TEX10: variants seen among roughly 807,000 people sequenced by gnomAD.
TEX10 encodes testis expressed 10.
TEX10 carries 24 observed loss-of-function variants against 104.4 expected under a neutral mutation model. The ratio of observed to expected loss-of-function variants is 0.23; its 90% CI spans 0.17 to 0.32. The LOEUF is 0.32. Ranked by LOEUF, TEX10 falls within the 10% of genes least tolerant of loss-of-function variation. The pLI is 1.00. For synonymous variants in TEX10, 396 were observed against 393.4 expected (o/e 1.01, Z -0.08); for missense variants, 921 against 1,083.9 (o/e 0.85, Z 2.11).
chr9:100,346,215 A>T lies in TEX10; in HGVS notation c.994T>A (p.Trp332Arg). The T allele has an allele frequency of 6.2e-7, 1 of 1,614,048 alleles. No homozygotes were observed. Among genetic ancestry groups the T allele is most frequent in the Non-Finnish European group, 8.5e-7 (1 of 1,179,944 alleles). Reference protein sequence around the residue: ...EIIIPLLIECWVEAVPPQLAT... With the variant: ...EIIIPLLIECRVEAVPPQLAT... ...AGTTGTGGAGGTACAGCTTCAACCC[A>T]GCATTCAATTAGCAATGGAATTATT... The change falls in exon 4 of 15, where the codon TGG becomes AGG. Residue 332 changes from tryptophan to arginine, a missense_variant. Trp to Arg is a moderately radical substitution (Grantham distance 101, BLOSUM62 -3). Transcript: ENST00000374902.
Position 100,349,711 on chromosome 9 carries a change from T to C in TEX10, c.-9-339A>G, listed in dbSNP as rs78709799. Among the ~76,000 whole-genome samples the C allele has an allele frequency of 9.0e-3, 1,363 of 152,232 alleles. 10 individuals carry two copies. Among genetic ancestry groups the C allele is most frequent in the African/African-American group, 0.031 (1,290 of 41,540 alleles). On this transcript the variant is annotated intron_variant, in intron 1 of 14. Transcript: ENST00000374902. ...GTGTAGGAGAGCAGCACAGACTTCC[T>C]AGAGATGTAACTTGTATCTGCTGGT...
intron 14 of TEX10, 107 bp downstream of exon 14, chr9:100,303,525 A>G (rs1237944737): frequency 1.7e-6 from 2 of 1,196,658 alleles, no homozygotes; most frequent in Admixed American, 3.6e-5. Flanking sequence ...TCCTGGACTC[A>G]ATGTATGGGA....
At chr9:100,303,529 T>C in intron 14 of TEX10, 103 bp downstream of exon 14, 2 of 1,218,490 alleles carry the variant, frequency 1.6e-6, no homozygotes, top group South Asian at 2.6e-5. Context: ...GGACTCAATG[T>C]ATGGGATCCC....
chr9:100,320,110 C>T (rs1021854684), intron 11 of TEX10, among the ~76,000 whole-genome samples, 155 bp downstream of exon 11: 2 of 152,146 alleles, frequency 1.3e-5, no homozygotes, highest in Admixed American at 6.5e-5. Flanking sequence ...AGAATGTTTC[C>T]CTTTTCAAAC....
intron 13 of TEX10, chr9:100,306,714 A>T (rs1409204785): frequency 6.6e-6 from 1 of 152,172 alleles, no homozygotes; most frequent in Non-Finnish European, 1.5e-5. Context: ...TTCGGCTGCC[A>T]ACTGTGCCTA....
Position 100,330,066 on chromosome 9 carries a change from T to A in TEX10, c.1354A>T (p.Lys452Ter). 6.2e-7 allele frequency: 1 copy of A among 1,614,130 alleles called. No individual in the cohort carries two copies. Among genetic ancestry groups the A allele is most frequent in the Non-Finnish European group, 8.5e-7 (1 of 1,180,002 alleles). Residue 452 changes from lysine to a stop codon, truncating the protein, a stop_gained, in exon 6 of 15, where the codon AAG (lysine) becomes TAG (stop). Transcript: ENST00000374902. LOFTEE classifies it high-confidence loss of function. ...ATCATTTCTATCCAACTGCAATCCT[T>A]CTGCAAAGTTGACGCATTTGCCAGG... ...VSLANASTLQ[K>*]DCSWIEMIRK...
intron 4 of TEX10, among the ~76,000 whole-genome samples, chr9:100,344,242 T>C (rs1835245468): frequency 6.6e-6 from 1 of 152,190 alleles, no homozygotes; most frequent in Non-Finnish European, 1.5e-5. Context: ...CGCAGTCTTT[T>C]AAACTTACCA....
chr9:100,323,322 G>A (rs1445522507), intron 9 of TEX10, among the ~76,000 whole-genome samples: 1 of 152,248 alleles, frequency 6.6e-6, no homozygotes, highest in South Asian at 2.1e-4. Flanking sequence ...GGGCCAAAAG[G>A]AGTAAAATGG....
intron 2 of TEX10, 65 bp from the exon 3 acceptor site, chr9:100,347,471 G>T: frequency 1.6e-6 from 2 of 1,289,168 alleles, no homozygotes; most frequent in Non-Finnish European, 2.1e-6. Context: ...ACGTAAACAT[G>T]CTAACTAACA....
chr9:100,309,753 A>G (rs966684951), intron 12 of TEX10, among the ~76,000 whole-genome samples: 12 of 152,376 alleles, frequency 7.9e-5, no homozygotes, highest in Non-Finnish European at 1.5e-4. Flanking sequence ...AAAGCCAAAG[A>G]TAAGAGTATA....
chr9:100,338,843 G>C (rs1835080016), intron 5 of TEX10, among the ~76,000 whole-genome samples: 1 of 86,084 alleles, frequency 1.2e-5, no homozygotes, highest in South Asian at 5.1e-4. Context: ...AGTGAGCCAA[G>C]ATTACGCCTT....
Position 100,346,802 on chromosome 9 carries a change from C to G in TEX10, c.785G>C (p.Ser262Thr), listed in dbSNP as rs1415548727. ...QEQKENPHAT[S>T]NSIFINWKEH... ...CTTCCAGTTGATAAAAATGGAGTTGCTAGTGGCATGGGGATTTTCTTTCTG... is the reference window on the plus strand; with the variant it reads ...CTTCCAGTTGATAAAAATGGAGTTGGTAGTGGCATGGGGATTTTCTTTCTG... Residue 262 changes from serine to threonine, a missense_variant, in exon 3 of 15, where the codon AGC (serine) becomes ACC (threonine). This residue lies in a region of TEX10 where 753 missense variants were observed against 868.4 expected (regional missense o/e 0.87). Transcript: ENST00000374902. 4.3e-6 allele frequency: 7 copies of G among 1,614,152 alleles called. No individual in the cohort carries two copies. The highest frequency in any genetic ancestry group is 5.9e-6 in the Non-Finnish European group (7 of 1,180,024).
chr9:100,352,418 C>T (rs572004007), intron 1 of TEX10: 4 of 1,551,664 alleles, frequency 2.6e-6, no homozygotes, highest in Admixed American at 3.9e-5. Context: ...GGCGAACACA[C>T]CATGGGTTTT....
chr9:100,302,328 C>T (rs1834005976), intron 14 of TEX10, 24 bp from the exon 15 acceptor site: 1 of 1,533,404 alleles, frequency 6.5e-7, no homozygotes, highest in Non-Finnish European at 9.0e-7. Context: ...CAAGAGTAAT[C>T]TGAGAACTGC....
chr9:100,308,149 A>G (rs140514369), intron 13 of TEX10, among the ~76,000 whole-genome samples: 159 of 152,344 alleles, frequency 1.0e-3, no homozygotes, highest in African/African-American at 3.6e-3. Flanking sequence ...AGCTCAAAAC[A>G]AAATACAAAG....
intron 5 of TEX10, among the ~76,000 whole-genome samples, chr9:100,337,557 G>C (rs1587736542): frequency 6.6e-6 from 1 of 152,174 alleles, no homozygotes; most frequent in Admixed American, 6.5e-5. Context: ...GCTCAATAAA[G>C]TGTCTCTTTG....
chr9:100,314,953 T>C (rs1004996698), intron 11 of TEX10, among the ~76,000 whole-genome samples: 13 of 152,222 alleles, frequency 8.5e-5, no homozygotes, highest in Admixed American at 4.6e-4. Flanking sequence ...TGAATTTCTA[T>C]TTTAATTTCT....
intron 11 of TEX10, among the ~76,000 whole-genome samples, chr9:100,316,683 C>T (rs889135019): frequency 6.6e-6 from 1 of 152,146 alleles, no homozygotes; most frequent in East Asian, 1.9e-4. Context: ...TTCACTGCAT[C>T]CTCAAACTCC....
At chr9:100,347,766 G>C (rs910932119) in intron 2 of TEX10, among the ~76,000 whole-genome samples, 3 of 152,002 alleles carry the variant, frequency 2.0e-5, no homozygotes, top group Non-Finnish European at 2.9e-5. Context: ...GTTTCTGCCT[G>C]TTTCAAATGG....
Sources: gnomAD v4.1 joint callset for allele counts (sites outside exome capture counted in the v4.1 genomes callset) on GRCh38, gnomAD v4.1.1 for gene constraint, gnomAD v4.1.1 regional missense constraint, MANE v1.5 for transcripts, NCBI Gene and HGNC (gene_info 2026-07-23, HGNC 2026-07-21) for gene names.